Variants in HYCC1 observed in about 807,000 individuals in gnomAD.
HYCC1 encodes the protein hyccin PI4KA lipid kinase complex subunit 1.
chr7:23,012,901 T>C, the HYCC1 span, among the ~76,000 whole-genome samples: 1 of 152,110 alleles, frequency 6.6e-6, no homozygotes, highest in African/African-American at 2.4e-5. Context: ...CAAGGATAAA[T>C]AATTTGCAAA....
the HYCC1 span, among the ~76,000 whole-genome samples, chr7:22,898,600 T>C: frequency 4.3e-4 from 25 of 57,828 alleles, 1 homozygote; most frequent in South Asian, 0.011. Flanking sequence ...TTTTCTTTTC[T>C]TTTCTTTTTT....
chr7:22,946,834 AAGAGTCATTG>A, the HYCC1 span: 1 of 792,854 alleles, frequency 1.3e-6, no homozygotes, highest in African/African-American at 1.7e-5. Flanking sequence ...AAAGAACATT[AAGAGTCATTG>A]AGAAATGTGG....
the HYCC1 span, chr7:22,990,999 A>C: frequency 8.8e-7 from 1 of 1,139,918 alleles, no homozygotes; most frequent in Non-Finnish European, 1.3e-6. Context: ...AATCACTGGA[A>C]TTTAAACGCC....
the HYCC1 span, among the ~76,000 whole-genome samples, chr7:22,966,773 T>C: frequency 6.6e-6 from 1 of 152,210 alleles, no homozygotes; most frequent in Admixed American, 6.5e-5. Context: ...AAGAATGTCA[T>C]TAATTCAGAG....
chr7:22,904,665 G>A, the HYCC1 span, among the ~76,000 whole-genome samples: 5 of 150,214 alleles, frequency 3.3e-5, no homozygotes, highest in African/African-American at 4.9e-5. Context: ...AAGAAAAGAG[G>A]TTTAGGGCCA....
chr7:22,930,781 C>T, the HYCC1 span, among the ~76,000 whole-genome samples: 1 of 152,080 alleles, frequency 6.6e-6, no homozygotes, highest in Admixed American at 6.6e-5. Context: ...AAGAATTTTA[C>T]ACCATTACCA....
chr7:23,013,904 G>T, the HYCC1 span: 1 of 465,928 alleles, frequency 2.1e-6, no homozygotes, highest in Non-Finnish European at 4.4e-6. Context: ...GGCCCGGCGT[G>T]GGTCTCTCGG....
chr7:22,907,401 C>T, the HYCC1 span, among the ~76,000 whole-genome samples: 38 of 152,288 alleles, frequency 2.5e-4, no homozygotes, highest in Middle Eastern at 3.4e-3. Flanking sequence ...AACCTCATCA[C>T]GGAATCCCTC....
At chr7:22,900,506 A>G in the HYCC1 span, among the ~76,000 whole-genome samples, 155 of 152,372 alleles carry the variant, frequency 1.0e-3, no homozygotes, top group African/African-American at 3.5e-3. Flanking sequence ...ATGTAAACAG[A>G]TATCTGCTAG....
At chr7:22,934,018 A>G in the HYCC1 span, among the ~76,000 whole-genome samples, 1 of 152,138 alleles carries the variant, frequency 6.6e-6, no homozygotes, top group Non-Finnish European at 1.5e-5. Flanking sequence ...CAATTTTTAT[A>G]AGGTATAATT....
the HYCC1 span, among the ~76,000 whole-genome samples, chr7:22,914,900 C>T: frequency 2.6e-5 from 4 of 152,138 alleles, no homozygotes; most frequent in Non-Finnish European, 4.4e-5. Context: ...AATTTCGTTC[C>T]GTGACTAGCC....
chr7:22,918,046 A>C, the HYCC1 span, among the ~76,000 whole-genome samples: 2 of 151,786 alleles, frequency 1.3e-5, no homozygotes, highest in Non-Finnish European at 2.9e-5. Flanking sequence ...AAAAAAGAGG[A>C]CTCTGTATAT....
the HYCC1 span, among the ~76,000 whole-genome samples, chr7:22,965,438 CT>C: frequency 2.2e-3 from 317 of 143,902 alleles, 8 homozygotes; most frequent in South Asian, 0.039. Context: ...ATAGATTTTA[CT>C]TTTTTTTTTT....
chr7:23,004,556 A>G, the HYCC1 span, among the ~76,000 whole-genome samples: 2 of 152,186 alleles, frequency 1.3e-5, no homozygotes, highest in African/African-American at 4.8e-5. Flanking sequence ...TAGTGAAAAC[A>G]AAAAGTTTTA....
At chr7:22,922,727 T>A in the HYCC1 span, among the ~76,000 whole-genome samples, 1 of 152,152 alleles carries the variant, frequency 6.6e-6, no homozygotes. Flanking sequence ...GGAAAAGATA[T>A]GTCATGCAAA....
chr7:22,920,301 T>TC, the HYCC1 span, among the ~76,000 whole-genome samples: 1 of 152,200 alleles, frequency 6.6e-6, no homozygotes, highest in East Asian at 1.9e-4. Context: ...GCCACTGCAC[T>TC]CCAGCCTGAG....
the HYCC1 span, among the ~76,000 whole-genome samples, chr7:22,896,182 C>T: frequency 6.6e-6 from 1 of 152,098 alleles, no homozygotes; most frequent in Non-Finnish European, 1.5e-5. Context: ...TTCAAGTATT[C>T]AACACATAGC....
the HYCC1 span, among the ~76,000 whole-genome samples, chr7:22,902,425 A>C: frequency 6.6e-6 from 1 of 152,088 alleles, no homozygotes; most frequent in Non-Finnish European, 1.5e-5. Context: ...AGTCAGAAAA[A>C]TAGAAAACAC....
chr7:22,898,358 C>T, the HYCC1 span, among the ~76,000 whole-genome samples: 2 of 151,832 alleles, frequency 1.3e-5, no homozygotes, highest in Non-Finnish European at 2.9e-5. Context: ...GGATTACAGG[C>T]ACACACCACC....
Sources: allele counts gnomAD v4.1 joint callset (sites outside exome capture counted in the v4.1 genomes callset), GRCh38; gene constraint gnomAD v4.1.1; transcripts MANE v1.5; gene names NCBI Gene and HGNC (gene_info 2026-07-23, HGNC 2026-07-21).